NRG1: variants seen among roughly 807,000 people sequenced by gnomAD.
NRG1 encodes the protein neuregulin 1, also known as pro-neuregulin-1, membrane-bound isoform.
In NRG1, 18 loss-of-function variants were observed where a neutral mutation model predicts 63.8. The observed-to-expected ratio is 0.28, with a 90% CI of 0.19 to 0.42. NRG1 has a LOEUF of 0.42. Among genes scored for constraint, NRG1 ranks in the 10% least tolerant of loss-of-function variants. The probability of loss-of-function intolerance (pLI) is 1.00; values close to 1 mark genes in which losing one functional copy is unlikely to be tolerated. For synonymous variants in NRG1, 302 were observed against 301.3 expected, an observed-to-expected ratio of 1.00 and a Z score of -0.02; for missense variants, 762 against 814.7, an observed-to-expected ratio of 0.94 and a Z score of 0.79.
At chr8:31,889,783 T>G (rs1454819694) in intron 1 of NRG1, among the ~76,000 whole-genome samples, 1 of 152,184 alleles carries the variant, frequency 6.6e-6, no homozygotes, top group East Asian at 1.9e-4. Context: ...GGCGACCAAG[T>G]GCAGCCCTCT....
chr8:32,353,243 A>G (rs2129479961), intron 1 of NRG1, among the ~76,000 whole-genome samples: 1 of 150,698 alleles, frequency 6.6e-6, no homozygotes, highest in South Asian at 2.1e-4. Flanking sequence ...AACAATTGTT[A>G]TTATTATGAT....
At chr8:32,197,795 C>T (rs1843103322) in intron 1 of NRG1, among the ~76,000 whole-genome samples, 1 of 152,118 alleles carries the variant, frequency 6.6e-6, no homozygotes, top group Non-Finnish European at 1.5e-5. Flanking sequence ...ATCCCTCAAT[C>T]CCCTCCCTCT....
At chr8:32,608,302 C>G (rs994966680) in intron 3 of NRG1, among the ~76,000 whole-genome samples, 2 of 151,312 alleles carry the variant, frequency 1.3e-5, no homozygotes, top group African/African-American at 4.9e-5. Flanking sequence ...CCTCAGCCCC[C>G]TGAGTAGCCA....
At chr8:32,186,097 C>T (rs987540101) in intron 1 of NRG1, among the ~76,000 whole-genome samples, 1 of 152,154 alleles carries the variant, frequency 6.6e-6, no homozygotes, top group African/African-American at 2.4e-5. Flanking sequence ...AAACCTCTGG[C>T]TATTAAACTC....
downstream of NRG1, among the ~76,000 whole-genome samples, chr8:32,770,074 T>C (rs1191553508): frequency 6.6e-6 from 1 of 152,122 alleles, no homozygotes; most frequent in African/African-American, 2.4e-5. Flanking sequence ...TCCCTTCAAA[T>C]GAACTTATTG....
At chr8:32,597,430 A>G (rs1843556682) in intron 2 of NRG1, among the ~76,000 whole-genome samples, 1 of 152,160 alleles carries the variant, frequency 6.6e-6, no homozygotes. Context: ...ATCATGTCAG[A>G]TAGATCTATA....
At chr8:32,460,779 C>CA (rs898822182) in intron 1 of NRG1, among the ~76,000 whole-genome samples, 19 of 152,236 alleles carry the variant, frequency 1.2e-4, no homozygotes, top group African/African-American at 4.3e-4. Context: ...CATCCGAATA[C>CA]AAAATACATC....
At chr8:32,087,017 C>T (rs747003005) in intron 1 of NRG1, among the ~76,000 whole-genome samples, 5 of 152,110 alleles carry the variant, frequency 3.3e-5, no homozygotes, top group African/African-American at 1.2e-4. Context: ...CTACATGCAT[C>T]GAATAGCATC....
intron 1 of NRG1, among the ~76,000 whole-genome samples, chr8:32,206,184 C>T (rs1844043807): frequency 6.6e-6 from 1 of 152,104 alleles, no homozygotes; most frequent in South Asian, 2.1e-4. Flanking sequence ...TGGAAAAGCA[C>T]CTTGTGATTT....
At chr8:32,259,969 C>T (rs779770967) in intron 1 of NRG1, among the ~76,000 whole-genome samples, 3 of 152,022 alleles carry the variant, frequency 2.0e-5, no homozygotes, top group Non-Finnish European at 4.4e-5. Flanking sequence ...GGCTGTCAAC[C>T]GAATCTTGAA....
chr8:32,481,592 A>G (rs1825291651), intron 1 of NRG1, among the ~76,000 whole-genome samples: 1 of 152,248 alleles, frequency 6.6e-6, no homozygotes, highest in Admixed American at 6.5e-5. Context: ...AAACTGCATG[A>G]GTTCAAATCC....
chr8:32,114,188 G>T (rs1832404710), intron 1 of NRG1, among the ~76,000 whole-genome samples: 1 of 152,212 alleles, frequency 6.6e-6, no homozygotes. Context: ...AAGCCAGCCA[G>T]GTTCAAAGTA....
intron 1 of NRG1, among the ~76,000 whole-genome samples, chr8:31,860,244 CTATTGTAACAATGT>C (rs1314857661): frequency 6.6e-6 from 1 of 152,134 alleles, no homozygotes; most frequent in Non-Finnish European, 1.5e-5. Context: ...TCCTTAAATG[CTATTGTAACAATGT>C]CAGGGGCCAA....
At chr8:31,910,742 A>G (rs1366643769) in intron 1 of NRG1, among the ~76,000 whole-genome samples, 1 of 152,214 alleles carries the variant, frequency 6.6e-6, no homozygotes, top group African/African-American at 2.4e-5. Context: ...ATAGGATCAA[A>G]CCTTGAGAAA....
At chr8:32,101,032 CT>C (rs5890623) in intron 1 of NRG1, among the ~76,000 whole-genome samples, 135,636 of 151,974 alleles carry the variant, frequency 0.89, 61,059 homozygotes, top group Middle Eastern at 0.97. Flanking sequence ...TCCCATATTG[CT>C]TTTTTTTTCC....
At chr8:32,660,740 A>G (rs1298392388) in intron 5 of NRG1, among the ~76,000 whole-genome samples, 1 of 152,162 alleles carries the variant, frequency 6.6e-6, no homozygotes, top group African/African-American at 2.4e-5. Context: ...CAATAACTAT[A>G]CTTTCCTCAG....
chr8:31,701,835 G>C (rs186322159), intron 1 of NRG1, among the ~76,000 whole-genome samples: 127 of 152,254 alleles, frequency 8.3e-4, no homozygotes, highest in African/African-American at 3.0e-3. Context: ...CAATGTGCAT[G>C]CAAATCACCT....
intron 1 of NRG1, among the ~76,000 whole-genome samples, chr8:32,046,114 C>T (rs7001623): frequency 0.025 from 3,122 of 126,258 alleles, 109 homozygotes; most frequent in African/African-American, 0.075. Flanking sequence ...ACAAAGAACA[C>T]GATTTAAAAG....
At chr8:32,202,487 T>C (rs545330004) in intron 1 of NRG1, among the ~76,000 whole-genome samples, 1 of 152,272 alleles carries the variant, frequency 6.6e-6, no homozygotes, top group African/African-American at 2.4e-5. Flanking sequence ...GGAGATGGCT[T>C]AAGTGTTAAA....
Sources: gnomAD v4.1 joint callset for allele counts (sites outside exome capture counted in the v4.1 genomes callset) on GRCh38, gnomAD v4.1.1 for gene constraint, MANE v1.5 for transcripts, NCBI Gene and HGNC (gene_info 2026-07-23, HGNC 2026-07-21) for gene names.